LRP1B: variants seen among roughly 807,000 people sequenced by gnomAD.
The protein encoded by LRP1B is LDL receptor related protein 1B.
LRP1B carries 217 observed loss-of-function variants against 556.6 expected under a neutral mutation model. The observed-to-expected ratio is 0.39, with a 90% CI of 0.35 to 0.44. The LOEUF is 0.44. Among genes scored for constraint, LRP1B ranks in the 20% least tolerant of loss-of-function variants. The pLI is 1.00. For missense variants in LRP1B, 5,053 were observed against 5,620.8 expected (o/e 0.90, Z 3.23); for synonymous variants, 2,047 against 1,865.8 (o/e 1.10, Z -2.50).
chr2:140,488,354 G>A (rs1688563670), intron 57 of LRP1B, among the ~76,000 whole-genome samples: 1 of 152,046 alleles, frequency 6.6e-6, no homozygotes, highest in South Asian at 2.1e-4. Flanking sequence ...ATTTGACCAA[G>A]GAGGAACTGG....
intron 25 of LRP1B, among the ~76,000 whole-genome samples, chr2:140,879,762 C>G (rs189180133): frequency 6.6e-6 from 1 of 151,954 alleles, no homozygotes; most frequent in East Asian, 1.9e-4. Context: ...TGGAAATGTT[C>G]AGTCACAATA....
intron 1 of LRP1B, among the ~76,000 whole-genome samples, chr2:142,107,699 C>G (rs1460901218): frequency 6.6e-6 from 1 of 151,940 alleles, no homozygotes; most frequent in Non-Finnish European, 1.5e-5. Flanking sequence ...ACAATCTCGG[C>G]TCATTGCAAC....
At chr2:141,988,018 C>A (rs547876349) in intron 1 of LRP1B, among the ~76,000 whole-genome samples, 3 of 151,786 alleles carry the variant, frequency 2.0e-5, no homozygotes, top group Non-Finnish European at 4.4e-5. Flanking sequence ...TAGAGTAAAT[C>A]AGATCAATGT....
chr2:142,014,518 A>G (rs1703058852), intron 1 of LRP1B, among the ~76,000 whole-genome samples: 1 of 152,328 alleles, frequency 6.6e-6, no homozygotes, highest in East Asian at 1.9e-4. Flanking sequence ...GGGAGGAAGT[A>G]TGTCAACCTA....
intron 1 of LRP1B, among the ~76,000 whole-genome samples, chr2:141,883,270 A>G (rs1293772450): frequency 1.3e-5 from 2 of 152,156 alleles, no homozygotes; most frequent in Non-Finnish European, 2.9e-5. Context: ...GCTCCCATAC[A>G]CTTTGTACTT....
chr2:141,364,726 C>T (rs185591550), intron 3 of LRP1B, among the ~76,000 whole-genome samples: 27 of 152,272 alleles, frequency 1.8e-4, no homozygotes, highest in African/African-American at 6.0e-4. Context: ...TTTATCATAG[C>T]ATTTTCGTGC....
intron 3 of LRP1B, among the ~76,000 whole-genome samples, chr2:141,375,571 C>T (rs1409646128): frequency 6.6e-6 from 1 of 152,238 alleles, no homozygotes; most frequent in African/African-American, 2.4e-5. Context: ...CCCAGGGCTG[C>T]TGGTATTGTC....
chr2:141,327,082 A>G (rs1231984877), intron 3 of LRP1B, among the ~76,000 whole-genome samples: 2 of 152,180 alleles, frequency 1.3e-5, no homozygotes, highest in African/African-American at 4.8e-5. Flanking sequence ...GTATGTGGCT[A>G]TAAAAAGAAA....
At chr2:141,819,962 A>G (rs996909960) in intron 1 of LRP1B, among the ~76,000 whole-genome samples, 2 of 152,326 alleles carry the variant, frequency 1.3e-5, no homozygotes, top group Non-Finnish European at 2.9e-5. Flanking sequence ...AACAGGGGCT[A>G]AAAGAAAAAC....
chr2:140,561,048 G>A (rs1209433612), intron 43 of LRP1B, among the ~76,000 whole-genome samples: 1 of 152,104 alleles, frequency 6.6e-6, no homozygotes, highest in Non-Finnish European at 1.5e-5. Flanking sequence ...ACTTTCTCCT[G>A]TCCTCCTATC....
chr2:141,175,558 C>T (rs373549063), intron 7 of LRP1B, among the ~76,000 whole-genome samples: 3 of 152,138 alleles, frequency 2.0e-5, no homozygotes, highest in Non-Finnish European at 2.9e-5. Flanking sequence ...GTTTGGGATC[C>T]TCCACTTAGA....
At chr2:140,909,972 T>G (rs1694368348) in intron 21 of LRP1B, among the ~76,000 whole-genome samples, 1 of 151,164 alleles carries the variant, frequency 6.6e-6, no homozygotes, top group South Asian at 2.1e-4. Flanking sequence ...TATTATTTGG[T>G]CTTGGATTAG....
At chr2:140,829,798 A>G (rs1400541767) in intron 31 of LRP1B, among the ~76,000 whole-genome samples, 1 of 152,024 alleles carries the variant, frequency 6.6e-6, no homozygotes, top group Non-Finnish European at 1.5e-5. Context: ...TACAATTGAG[A>G]ATAAAAAATA....
In LRP1B at chr2:140,274,433, A is replaced by G. The variant is rs139185706; in HGVS notation, c.13133T>C (p.Ile4378Thr). 9.3e-6 allele frequency: 15 copies of G among 1,612,032 alleles called. No homozygotes were observed. The African/African-American group carries it at 1.9e-4, about 20-fold the overall frequency. Reference sequence around the variant, plus strand: ...CTGGGTGTCCACTTACTTGCAAAATATATCTTCACTGTCTTTATTTATAAT... The same window carrying G: ...CTGGGTGTCCACTTACTTGCAAAATGTATCTTCACTGTCTTTATTTATAAT... ...HCIINKDSEDIFCNCTNGKIA... is the reference protein window; with the variant it reads ...HCIINKDSEDTFCNCTNGKIA... Residue 4378 changes from isoleucine (I) to threonine (T), a missense_variant, in exon 85 of 91, where the codon ATA (isoleucine) becomes ACA (threonine). This residue lies in a region of LRP1B where 551 missense variants were observed against 592.0 expected (regional missense o/e 0.93). Coordinates refer to ENST00000389484, the MANE Select transcript of LRP1B (RefSeq NM_018557.3).
intron 2 of LRP1B, among the ~76,000 whole-genome samples, chr2:141,769,130 A>G (rs1288229673): frequency 6.6e-6 from 1 of 152,130 alleles, no homozygotes; most frequent in East Asian, 1.9e-4. Context: ...ACCTTATTCT[A>G]GTGTCCACAT....
intron 1 of LRP1B, among the ~76,000 whole-genome samples, chr2:142,021,960 T>C (rs1383664647): frequency 6.6e-6 from 1 of 152,142 alleles, no homozygotes; most frequent in African/African-American, 2.4e-5. Context: ...TTTAAAGCCA[T>C]TTCAAGGCTA....
At chr2:141,691,525 A>T (rs1691532089) in intron 2 of LRP1B, among the ~76,000 whole-genome samples, 1 of 132,670 alleles carries the variant, frequency 7.5e-6, no homozygotes. Context: ...GGTCTGCCAT[A>T]GAATAACAGG....
intron 3 of LRP1B, among the ~76,000 whole-genome samples, chr2:141,372,537 A>AT (rs893946963): frequency 1.4e-4 from 21 of 150,802 alleles, no homozygotes; most frequent in African/African-American, 2.2e-4. Flanking sequence ...TAAGGGGAGG[A>AT]TTTTTTTTTA....
intron 3 of LRP1B, among the ~76,000 whole-genome samples, chr2:141,399,161 C>T (rs763292967): frequency 6.6e-6 from 1 of 152,020 alleles, no homozygotes; most frequent in Non-Finnish European, 1.5e-5. Context: ...GAGGCTAAGG[C>T]TCGAGAATCC....
Sources: gnomAD v4.1 joint callset for allele counts (sites outside exome capture counted in the v4.1 genomes callset) on GRCh38, gnomAD v4.1.1 for gene constraint, gnomAD v4.1.1 regional missense constraint, MANE v1.5 for transcripts, NCBI Gene and HGNC (gene_info 2026-07-23, HGNC 2026-07-21) for gene names.